Variants in TRAPPC9 observed in about 807,000 individuals in gnomAD.
TRAPPC9 encodes trafficking protein particle complex subunit 9.
TRAPPC9 carries 83 observed loss-of-function variants against 124.0 expected under a neutral mutation model. The observed-to-expected ratio is 0.67, with a 90% CI of 0.56 to 0.80. The LOEUF is 0.80. TRAPPC9 is among the 30% of genes least tolerant of loss of function. TRAPPC9 has a pLI of 0.00. For missense variants in TRAPPC9, 1,302 were observed against 1,508.3 expected (o/e 0.86, Z 2.27); for synonymous variants, 638 against 617.5 (o/e 1.03, Z -0.49).
At chr8:139,761,540 C>A (rs1010464822) in intron 21 of TRAPPC9, among the ~76,000 whole-genome samples, 1 of 152,156 alleles carries the variant, frequency 6.6e-6, no homozygotes, top group Non-Finnish European at 1.5e-5. Context: ...CCTCCCAACC[C>A]CACACCCTGC....
intron 21 of TRAPPC9, among the ~76,000 whole-genome samples, chr8:139,837,510 C>T (rs1481465022): frequency 2.6e-5 from 4 of 152,210 alleles, no homozygotes; most frequent in South Asian, 2.1e-4. Context: ...CCCCCACCAG[C>T]CCCCTGAAGG....
At chr8:139,752,620 A>C (rs897833399) in intron 21 of TRAPPC9, among the ~76,000 whole-genome samples, 10 of 150,890 alleles carry the variant, frequency 6.6e-5, no homozygotes, top group African/African-American at 2.4e-4. Flanking sequence ...TCTACTGTCC[A>C]TCTACCATCC....
At position 139,776,418 on chromosome 8, in the gene TRAPPC9, G is replaced by C. The variant is rs1448812030; in HGVS notation, c.3056-44216C>G. 6.6e-6 allele frequency among the ~76,000 whole-genome samples: 1 copy of C among 152,226 alleles called. No individual in the cohort carries two copies. Among genetic ancestry groups the C allele is most frequent in the Non-Finnish European group, 1.5e-5 (1 of 68,042 alleles). On this transcript the variant is annotated intron_variant, in intron 21 of 22. Coordinates refer to ENST00000438773, the MANE Select transcript of TRAPPC9 (RefSeq NM_001160372.4). The surrounding 1 kb of genome is among the most constrained non-coding windows in gnomAD (Gnocchi z 4.1). The stretch of plus-strand genomic sequence containing the variant: ...AGGTCACAACGAATTGGGAAGGATG[G>C]GGTGGCACCAGGGTGAAGACACATG...
intron 21 of TRAPPC9, among the ~76,000 whole-genome samples, chr8:139,826,472 G>A (rs1010019628): frequency 2.7e-5 from 4 of 148,542 alleles, no homozygotes; most frequent in Admixed American, 6.9e-5. Context: ...CCGCAGGGTC[G>A]GTGCCTGGGG....
intron 9 of TRAPPC9, among the ~76,000 whole-genome samples, chr8:140,324,198 G>C (rs2066678763): frequency 6.6e-6 from 1 of 152,162 alleles, no homozygotes; most frequent in African/African-American, 2.4e-5. Flanking sequence ...AAAATAAAAG[G>C]ATGGGGGGGA....
At chr8:140,113,117 A>T in intron 17 of TRAPPC9, among the ~76,000 whole-genome samples, 1 of 152,238 alleles carries the variant, frequency 6.6e-6, no homozygotes, top group South Asian at 2.1e-4. Flanking sequence ...TATGTCTAGT[A>T]TTATGTGGGG....
intron 21 of TRAPPC9, among the ~76,000 whole-genome samples, chr8:139,866,796 A>G (rs764885294): frequency 1.3e-5 from 2 of 152,042 alleles, no homozygotes; most frequent in African/African-American, 4.8e-5. Flanking sequence ...TTCTATTCAT[A>G]TGTATATGTC....
At chr8:140,424,621 C>CAGAGTGAGAA (rs1173848613) in intron 5 of TRAPPC9, among the ~76,000 whole-genome samples, 6 of 134,978 alleles carry the variant, frequency 4.4e-5, no homozygotes, top group African/African-American at 8.5e-5. Context: ...GCCTTGGCGG[C>CAGAGTGAGAA]AGAGTGAGAA....
At chr8:139,759,349 T>C (rs1820071084) in intron 21 of TRAPPC9, among the ~76,000 whole-genome samples, 2 of 152,132 alleles carry the variant, frequency 1.3e-5, no homozygotes, top group Non-Finnish European at 1.5e-5. Flanking sequence ...TTTACATACA[T>C]GGTCCCCTGG....
In TRAPPC9 at chr8:140,275,885, C is replaced by T. The variant is rs1442850708; in HGVS notation, c.2115-64G>A. On this transcript the variant is annotated intron_variant, in intron 14 of 22. Transcript: ENST00000438773. ...AGAAGCCAAGGCCATTTGAAAATTA[C>T]TCACTTCCCAAAGAAGAATCACCAT... 4 of 1,334,740 alleles carry T rather than the reference C, an allele frequency of 3.0e-6. No individual in the cohort carries two copies. The East Asian group carries it at 9.2e-5, about 31-fold the overall frequency. 82.7% of individuals were successfully genotyped at this position (1,334,740 alleles called of 1,614,324 possible). A position where few individuals can be genotyped will look rare whatever the true frequency, so the allele number is the denominator to read the frequency against.
rs373708626 is a variant in TRAPPC9, at chr8:140,439,172, G to A, written c.610C>T (p.Arg204Cys). 65 of 1,613,904 alleles carry A rather than the reference G, an allele frequency of 4.0e-5. No homozygotes were observed. The highest frequency in any genetic ancestry group is 2.2e-4 in the South Asian group (20 of 91,068). Residue 204 changes from arginine (R) to cysteine (C), a missense_variant, in exon 3 of 23, where the codon CGC becomes TGC. Physicochemically the swap from Arg to Cys is radical, Grantham distance 180. Transcript: ENST00000438773. ...SRHYKKRCQG[R>C]MRKHVGDLCL... ...AGGTCCCCCACGTGCTTCCGCATGC[G>A]GCCTTGGCACCGCTTCTTGTAATGT...
intron 18 of TRAPPC9, among the ~76,000 whole-genome samples, chr8:139,995,962 T>C (rs904478710): frequency 9.7e-5 from 14 of 144,790 alleles, no homozygotes; most frequent in Middle Eastern, 3.7e-3. Context: ...GAATACGATC[T>C]AAAATAACTC....
rs374965767 is a variant in TRAPPC9, at chr8:140,297,383, AC to A, written c.1768+3085del. 5.2e-4 allele frequency among the ~76,000 whole-genome samples: 71 copies of A among 137,488 alleles called. No homozygotes were observed. The South Asian group carries it at 0.016, about 30-fold the overall frequency. 90.2% of individuals were successfully genotyped at this position (137,488 alleles called of 152,430 possible). A position where few individuals can be genotyped will look rare whatever the true frequency, so the allele number is the denominator to read the frequency against. The stretch of plus-strand genomic sequence containing the variant: ...ACATACACGCATACACACAATATAC[AC>A]ATGCATACACACATACAGATGCATA... On this transcript the variant is annotated intron_variant, in intron 11 of 22. Coordinates refer to ENST00000438773, the MANE Select transcript of TRAPPC9 (RefSeq NM_001160372.4).
At chr8:140,304,252 G>A (rs183801253) in intron 10 of TRAPPC9, among the ~76,000 whole-genome samples, 33 of 152,060 alleles carry the variant, frequency 2.2e-4, no homozygotes, top group East Asian at 7.7e-4. Context: ...CTGCCACCAC[G>A]CCCGGCTAAT....
intron 17 of TRAPPC9, among the ~76,000 whole-genome samples, chr8:140,207,220 A>T (rs2062946283): frequency 6.6e-6 from 1 of 152,244 alleles, no homozygotes; most frequent in Non-Finnish European, 1.5e-5. Context: ...CCACTCTAAC[A>T]AAGCGGGTAA....
chr8:139,766,332 C>T (rs1341159519), intron 21 of TRAPPC9, among the ~76,000 whole-genome samples: 1 of 152,306 alleles, frequency 6.6e-6, no homozygotes, highest in South Asian at 2.1e-4. Context: ...CCACAGTTGG[C>T]TCCACACCCC....
chr8:140,311,515 C>T (rs1056090536), intron 9 of TRAPPC9, 141 bp from the exon 10 acceptor site: 1 of 978,382 alleles, frequency 1.0e-6, no homozygotes, highest in Non-Finnish European at 1.5e-6. Flanking sequence ...GCAAAAGAGA[C>T]CAGAACAAAG....
At chr8:140,300,066 T>G (rs1041008439) in intron 11 of TRAPPC9, among the ~76,000 whole-genome samples, 7 of 152,200 alleles carry the variant, frequency 4.6e-5, no homozygotes, top group Non-Finnish European at 7.3e-5. Flanking sequence ...TTCCAGAACT[T>G]TCACAAAATT....
intron 19 of TRAPPC9, among the ~76,000 whole-genome samples, chr8:139,949,786 T>C (rs555992139): frequency 6.6e-6 from 1 of 152,072 alleles, no homozygotes; most frequent in East Asian, 1.9e-4. Flanking sequence ...GTAGGAGTTT[T>C]TGTAGCATGG....
Sources: gnomAD v4.1 joint callset for allele counts (sites outside exome capture counted in the v4.1 genomes callset) on GRCh38, gnomAD v4.1.1 for gene constraint, Gnocchi (gnomAD v3.1) non-coding constraint, MANE v1.5 for transcripts, NCBI Gene and HGNC (gene_info 2026-07-23, HGNC 2026-07-21) for gene names.